PELI2: variants seen among roughly 807,000 people sequenced by gnomAD.
The protein encoded by PELI2 is pellino E3 ubiquitin protein ligase family member 2.
Under a neutral mutation model 42.3 loss-of-function variants are expected in PELI2, and 23 were observed. The observed-to-expected ratio is 0.54, with a 90% CI of 0.39 to 0.77. PELI2 has a LOEUF of 0.77. Ranked by LOEUF, PELI2 falls within the 30% of genes least tolerant of loss-of-function variation. The probability of loss-of-function intolerance (pLI) is 0.00; values close to 1 mark genes in which losing one functional copy is unlikely to be tolerated. For synonymous variants in PELI2, 245 were observed against 212.2 expected (o/e 1.15, Z -1.34); for missense variants, 463 against 553.2 (o/e 0.84, Z 1.64).
chr14:56,296,897 G>C lies in PELI2; in HGVS notation c.994G>C (p.Glu332Gln), dbSNP rs773811758. 1 of 1,614,070 alleles carries C rather than the reference G, an allele frequency of 6.2e-7. No individual in the cohort carries two copies. Among genetic ancestry groups the C allele is most frequent in the Admixed American group, 1.7e-5 (1 of 60,018 alleles). Reference protein sequence around the residue: ...WGHRSDTEANERECPMCRTVG... With the variant: ...WGHRSDTEANQRECPMCRTVG... The stretch of plus-strand genomic sequence containing the variant: ...CCATCGGAGTGACACGGAGGCCAAC[G>C]AGAGGGAGTGTCCCATGTGCAGGAC... The change falls in exon 6 of 6, where the codon GAG (glutamate) becomes CAG (glutamine). Residue 332 changes from glutamate (E) to glutamine (Q), a missense_variant. Glu to Gln is a conservative substitution (Grantham distance 29). Transcript: ENST00000267460.
chr14:56,259,634 T>C (rs1888646537), intron 2 of PELI2, among the ~76,000 whole-genome samples: 2 of 152,246 alleles, frequency 1.3e-5, no homozygotes, highest in East Asian at 1.9e-4. Context: ...TAGATGAAAC[T>C]TCCTTACTTG....
intron 2 of PELI2, among the ~76,000 whole-genome samples, chr14:56,261,318 T>A (rs891536024): frequency 1.3e-5 from 2 of 152,182 alleles, no homozygotes; most frequent in Admixed American, 1.3e-4. Context: ...TGCTTACGGC[T>A]TGTTTCTGTT....
rs1566632183 is a variant in PELI2 at position 56,197,997 on chromosome 14, CA to C, written c.207+19534del. Among the ~76,000 whole-genome samples, 3 of 147,976 alleles carry C rather than the reference CA, an allele frequency of 2.0e-5. No individual in the cohort carries two copies. The highest frequency in any genetic ancestry group is 3.0e-5 in the Non-Finnish European group (2 of 67,224). On this transcript the variant is annotated intron_variant, in intron 2 of 5. Transcript: ENST00000267460. This position sits in a 1 kb window ranked among gnomAD's most constrained non-coding sequence, Gnocchi z 4.9. ...ACACACACACACACACACACACACACACACACACACACACACCCACCTCTTT... is the reference window on the plus strand; with the variant it reads ...ACACACACACACACACACACACACACCACACACACACACACCCACCTCTTT...
intron 2 of PELI2, among the ~76,000 whole-genome samples, chr14:56,188,131 C>T (rs1169979726): frequency 6.6e-6 from 1 of 152,208 alleles, no homozygotes; most frequent in African/African-American, 2.4e-5. Flanking sequence ...TGTAAATCCC[C>T]ACAAGTGCTC....
intron 2 of PELI2, among the ~76,000 whole-genome samples, chr14:56,200,209 C>T (rs1402426601): frequency 6.6e-6 from 1 of 152,264 alleles, no homozygotes; most frequent in Non-Finnish European, 1.5e-5. Flanking sequence ...CACCACCTTG[C>T]CCTAACAATA....
At position 56,291,081 on chromosome 14, in the gene PELI2, T is replaced by G. The variant is rs1889812315; in HGVS notation, c.696+625T>G. On this transcript the variant is annotated intron_variant, in intron 5 of 5. Transcript: ENST00000267460. Reference sequence around the variant, plus strand: ...AAACCCATTCTTTCTTGGAGAATAATTATAATACCTTAAATATAGAACTTT... The same window carrying G: ...AAACCCATTCTTTCTTGGAGAATAAGTATAATACCTTAAATATAGAACTTT... 2.6e-5 allele frequency among the ~76,000 whole-genome samples: 4 copies of G among 152,302 alleles called. No individual in the cohort carries two copies. The South Asian group carries it at 8.3e-4, about 32-fold the overall frequency.
chr14:56,196,784 T>A (rs556705198), intron 2 of PELI2, among the ~76,000 whole-genome samples: 1 of 152,360 alleles, frequency 6.6e-6, no homozygotes, highest in East Asian at 1.9e-4. Context: ...TGAATTGTAT[T>A]GTTTGACTTC....
rs368116943 is a variant in PELI2 at position 56,259,504 on chromosome 14, A to G, written c.208-20172A>G. Among the ~76,000 whole-genome samples, 12 of 152,280 alleles carry G rather than the reference A, an allele frequency of 7.9e-5. No individual in the cohort carries two copies. In the East Asian group the frequency reaches 2.3e-3, roughly 29 times the overall value. On this transcript the variant is annotated intron_variant, in intron 2 of 5. Coordinates refer to ENST00000267460, the MANE Select transcript of PELI2 (RefSeq NM_021255.3). ...AATACAAGGTTGGTTAATCGTTCAA[A>G]AGTTAGTCAGTGTAATTCTACAGAC...
chr14:56,241,912 A>T (rs1334486433), intron 2 of PELI2, among the ~76,000 whole-genome samples: 1 of 152,200 alleles, frequency 6.6e-6, no homozygotes. Context: ...TGCTATAAGG[A>T]TACACTCCAC....
At chr14:56,289,759 G>A (rs1258165898) in intron 4 of PELI2, among the ~76,000 whole-genome samples, 1 of 152,118 alleles carries the variant, frequency 6.6e-6, no homozygotes, top group African/African-American at 2.4e-5. Context: ...GAATTTAAAC[G>A]GTGATTATTA....
Position 56,290,506 on chromosome 14 carries a change from A to G in PELI2, c.696+50A>G, listed in dbSNP as rs776062315. On this transcript the variant is annotated intron_variant, in intron 5 of 5. Coordinates refer to ENST00000267460, the MANE Select transcript of PELI2 (RefSeq NM_021255.3). ...GTGAAGTACGAAACTACTCAAGCCTAACTCGAAGGCTATCATTTTCCTCCC... is the reference window on the plus strand; with the variant it reads ...GTGAAGTACGAAACTACTCAAGCCTGACTCGAAGGCTATCATTTTCCTCCC... 8.8e-6 allele frequency: 12 copies of G among 1,370,032 alleles called. No individual in the cohort carries two copies. The East Asian group carries it at 2.8e-4, about 32-fold the overall frequency. The allele number at this position is 1,370,032 out of a possible 1,614,324, so 84.9% of individuals were successfully genotyped here. A position where few individuals can be genotyped will look rare whatever the true frequency, so the allele number is the denominator to read the frequency against.
chr14:56,164,270 A>G (rs570760049), intron 1 of PELI2, among the ~76,000 whole-genome samples: 1 of 152,274 alleles, frequency 6.6e-6, no homozygotes, highest in Admixed American at 6.5e-5. Flanking sequence ...GAATTTTGTC[A>G]AATGCTTTTT....
intron 3 of PELI2, among the ~76,000 whole-genome samples, chr14:56,281,503 G>A (rs1398843215): frequency 1.3e-5 from 2 of 152,058 alleles, no homozygotes; most frequent in African/African-American, 2.4e-5. Flanking sequence ...GTAAAGTACA[G>A]GCCTAATCTG....
chr14:56,164,255 AT>A (rs989600698), intron 1 of PELI2, among the ~76,000 whole-genome samples: 11 of 151,978 alleles, frequency 7.2e-5, no homozygotes, highest in African/African-American at 2.4e-4. Flanking sequence ...TCATGAAGGG[AT>A]GTTGAATTTT....
chr14:56,133,588 AC>A (rs371228560), intron 1 of PELI2, among the ~76,000 whole-genome samples: 1 of 151,894 alleles, frequency 6.6e-6, no homozygotes, highest in African/African-American at 2.4e-5. Flanking sequence ...CCTTTCCCCC[AC>A]CCCCGTTACA....
At chr14:56,166,671 G>A (rs1884975514) in intron 1 of PELI2, among the ~76,000 whole-genome samples, 1 of 151,968 alleles carries the variant, frequency 6.6e-6, no homozygotes, top group Non-Finnish European at 1.5e-5. Context: ...TTTTCCTTCA[G>A]CACTTTATGT....
At chr14:56,149,058 C>G (rs972318684) in intron 1 of PELI2, among the ~76,000 whole-genome samples, 2 of 152,276 alleles carry the variant, frequency 1.3e-5, no homozygotes, top group Admixed American at 1.3e-4. Context: ...TTACTTGTTT[C>G]AGTAATCCAA....
intron 1 of PELI2, among the ~76,000 whole-genome samples, chr14:56,149,340 T>G (rs1884251569): frequency 6.6e-6 from 1 of 152,214 alleles, no homozygotes; most frequent in Non-Finnish European, 1.5e-5. Flanking sequence ...TTCTTATGCA[T>G]CGTTCTGCTT....
intron 2 of PELI2, among the ~76,000 whole-genome samples, chr14:56,207,396 TGG>T (rs948417386): frequency 5.9e-5 from 9 of 152,180 alleles, no homozygotes; most frequent in Non-Finnish European, 1.2e-4. Flanking sequence ...CCAGATACTA[TGG>T]TAGCTACTGA....
Sources: allele counts gnomAD v4.1 joint callset (sites outside exome capture counted in the v4.1 genomes callset), GRCh38; gene constraint gnomAD v4.1.1; non-coding constraint Gnocchi (gnomAD v3.1); transcripts MANE v1.5; gene names NCBI Gene and HGNC (gene_info 2026-07-23, HGNC 2026-07-21).